Variants in GRHL3 observed in about 807,000 individuals in gnomAD.
GRHL3 encodes the protein grainyhead like transcription factor 3.
A neutral mutation model predicts 70.3 loss-of-function variants in GRHL3; 20 were observed. The ratio of observed to expected loss-of-function variants is 0.28; its 90% CI spans 0.20 to 0.41. The LOEUF is 0.41. Among genes scored for constraint, GRHL3 ranks in the 10% least tolerant of loss-of-function variants. GRHL3 has a pLI of 1.00. For missense variants in GRHL3, 637 were observed against 762.3 expected, an observed-to-expected ratio of 0.84 and a Z score of 1.94; for synonymous variants, 299 against 299.9, an observed-to-expected ratio of 1.00 and a Z score of 0.03.
At chr1:24,333,662 T>C (rs1639690593) in intron 2 of GRHL3, among the ~76,000 whole-genome samples, 1 of 152,104 alleles carries the variant, frequency 6.6e-6, no homozygotes, top group Non-Finnish European at 1.5e-5. Context: ...AAGGGACTTG[T>C]GTAAGGTCAC....
At chr1:24,352,673 C>G (rs1183541510) in intron 15 of GRHL3, among the ~76,000 whole-genome samples, 1 of 152,180 alleles carries the variant, frequency 6.6e-6, no homozygotes, top group East Asian at 1.9e-4. Flanking sequence ...CAGTGCCTGG[C>G]ACCTAGAAGC....
intron 1 of GRHL3, among the ~76,000 whole-genome samples, chr1:24,324,431 A>T (rs1639315573): frequency 6.6e-6 from 1 of 152,206 alleles, no homozygotes; most frequent in Non-Finnish European, 1.5e-5. Flanking sequence ...AGGCTGGAAA[A>T]GGCTGTGAAT....
intron 3 of GRHL3, among the ~76,000 whole-genome samples, chr1:24,335,508 G>T (rs1404939503): frequency 2.6e-5 from 4 of 152,180 alleles, no homozygotes; most frequent in Admixed American, 6.5e-5. Flanking sequence ...GCCTGGGCCT[G>T]CAGCTGGCTC....
chr1:24,346,740 C>A, intron 13 of GRHL3, 99 bp downstream of exon 13: 2 of 865,648 alleles, frequency 2.3e-6, no homozygotes, highest in Non-Finnish European at 3.7e-6. Context: ...GCACGAGGCG[C>A]TGCCTTACCC....
intron 7 of GRHL3, 43 bp from the exon 8 acceptor site, chr1:24,339,625 T>A: frequency 7.0e-7 from 1 of 1,434,318 alleles, no homozygotes; most frequent in South Asian, 1.2e-5. Flanking sequence ...TGGTCCCAGA[T>A]CCCTTCCTTC....
intron 15 of GRHL3, among the ~76,000 whole-genome samples, chr1:24,353,365 C>T (rs776508133): frequency 1.3e-5 from 2 of 151,842 alleles, no homozygotes; most frequent in African/African-American, 2.4e-5. Flanking sequence ...GGGAAGATGA[C>T]GGCAGGTGGG....
intron 5 of GRHL3, chr1:24,337,375 C>G (rs1471543225): frequency 1.7e-6 from 1 of 591,844 alleles, no homozygotes; most frequent in Non-Finnish European, 3.0e-6. Context: ...GTTCTTTTAT[C>G]CTTAGTTTTC....
At chr1:24,361,449 G>A (rs573113108) in intron 15 of GRHL3, among the ~76,000 whole-genome samples, 3 of 152,148 alleles carry the variant, frequency 2.0e-5, no homozygotes, top group Non-Finnish European at 2.9e-5. Flanking sequence ...AAAAAACTGA[G>A]GCCTCATATG....
chr1:24,352,023 G>A (rs950048186), intron 15 of GRHL3, among the ~76,000 whole-genome samples: 2 of 152,050 alleles, frequency 1.3e-5, no homozygotes, highest in African/African-American at 4.8e-5. Context: ...TACGCAATGT[G>A]CAAATAAAGG....
intron 1 of GRHL3, among the ~76,000 whole-genome samples, chr1:24,324,529 C>T (rs761923184): frequency 2.6e-5 from 4 of 152,194 alleles, no homozygotes; most frequent in Admixed American, 6.5e-5. Flanking sequence ...CTATGCTGAT[C>T]GCTTTACCTG....
rs530115932 is a variant in GRHL3 at position 24,331,354 on chromosome 1, T to C, written c.18-72T>C. The C allele has an allele frequency of 1.8e-3, 2,523 of 1,377,390 alleles. 5 individuals carry two copies. The highest frequency in any genetic ancestry group is 2.3e-3 in the Non-Finnish European group (2,364 of 1,006,014). The allele number at this position is 1,377,390 out of a possible 1,614,324, so 85.3% of individuals were successfully genotyped here. A position where few individuals can be genotyped will look rare whatever the true frequency, so the allele number is the denominator to read the frequency against. ...CTAATAACTCTGAATTCCTGGGCGT[T>C]GGCCTGCGGCTGCCCATTCACGGAC... On this transcript the variant is annotated intron_variant, in intron 1 of 15. Coordinates refer to ENST00000361548, the MANE Select transcript of GRHL3 (RefSeq NM_198173.3).
downstream of GRHL3, among the ~76,000 whole-genome samples, chr1:24,356,179 G>A (rs1281195496): frequency 3.9e-5 from 6 of 151,938 alleles, no homozygotes; most frequent in African/African-American, 1.5e-4. Context: ...GATTACAGGC[G>A]TGAGCCACTG....
chr1:24,319,653 G>A lies in GRHL3; in HGVS notation c.17+85G>A, dbSNP rs945041646. 3.1e-6 allele frequency: 5 copies of A among 1,610,698 alleles called. No individual in the cohort carries two copies. In the African/African-American group the frequency reaches 4.0e-5, roughly 13 times the overall value. On this transcript the variant is annotated intron_variant, in intron 1 of 15. Transcript: ENST00000361548. ...CTGGAGGGGGAAGAGCGGGGAGGCC[G>A]GCACCGGGATTCACAGAGCAATTTG...
chr1:24,349,825 C>T (rs757171181), intron 14 of GRHL3, among the ~76,000 whole-genome samples: 1 of 152,198 alleles, frequency 6.6e-6, no homozygotes, highest in Admixed American at 6.5e-5. Flanking sequence ...CATTTATACA[C>T]ACAACCGTAC....
chr1:24,331,058 G>A (rs758266155), intron 1 of GRHL3, among the ~76,000 whole-genome samples: 11 of 152,292 alleles, frequency 7.2e-5, no homozygotes, highest in African/African-American at 1.9e-4. Flanking sequence ...AATTTTATTC[G>A]TATCACATTG....
rs369481155 is a variant in GRHL3, at chr1:24,354,455, C to T, written c.1776C>T (p.Asp592=). The T allele has an allele frequency of 2.0e-5, 32 of 1,613,456 alleles. No homozygotes were observed. In the African/African-American group the frequency reaches 2.0e-4, roughly 10 times the overall value. ...TCCTGCTGGACATGGGGGAGCTGGA[C>T]GGCAAAATTCAGATCATCCTTAAGG... is the stretch of plus-strand genomic sequence containing the variant. ...VAFLLDMGEL[D]GKIQIILKEL Residue 592 remains aspartate, a synonymous_variant, in exon 16 of 16, where the codon GAC becomes GAT. Transcript: ENST00000361548.
At chr1:24,348,664 G>A (rs1220570291) in intron 14 of GRHL3, among the ~76,000 whole-genome samples, 1 of 152,194 alleles carries the variant, frequency 6.6e-6, no homozygotes, top group Non-Finnish European at 1.5e-5. Context: ...CTACCTGTGG[G>A]GCAGCCCATG....
intron 15 of GRHL3, among the ~76,000 whole-genome samples, chr1:24,360,643 C>T (rs1296845482): frequency 6.6e-6 from 1 of 152,160 alleles, no homozygotes; most frequent in Non-Finnish European, 1.5e-5. Flanking sequence ...GAATCCCTGG[C>T]CTGGACCATC....
chr1:24,338,256 G>A (rs1639904131), intron 7 of GRHL3, among the ~76,000 whole-genome samples, 153 bp downstream of exon 7: 3 of 152,202 alleles, frequency 2.0e-5, no homozygotes, highest in Admixed American at 1.3e-4. Context: ...ATTTGCATCT[G>A]TTGACTAGAA....
Sources: allele counts gnomAD v4.1 joint callset (sites outside exome capture counted in the v4.1 genomes callset), GRCh38; gene constraint gnomAD v4.1.1; transcripts MANE v1.5; gene names NCBI Gene and HGNC (gene_info 2026-07-23, HGNC 2026-07-21).